RBM47: variants seen among roughly 807,000 people sequenced by gnomAD.
The protein encoded by RBM47 is RNA-binding protein 47.
RBM47 carries 21 observed loss-of-function variants against 47.1 expected under a neutral mutation model. The observed-to-expected ratio is 0.45, with a 90% CI of 0.32 to 0.64. The LOEUF is 0.64. RBM47 is among the 30% of genes least tolerant of loss of function. RBM47 has a pLI of 0.05. For synonymous variants in RBM47, 375 were observed against 361.7 expected, an observed-to-expected ratio of 1.04 and a Z score of -0.42; for missense variants, 708 against 870.9, an observed-to-expected ratio of 0.81 and a Z score of 2.35.
intron 1 of RBM47, among the ~76,000 whole-genome samples, chr4:40,549,523 C>T (rs1440895022): frequency 3.0e-5 from 4 of 134,372 alleles, no homozygotes; most frequent in Admixed American, 7.7e-5. Flanking sequence ...TTTGTTTGTT[C>T]GTTTTTTTTT....
chr4:40,593,870 C>G (rs28432902), intron 1 of RBM47, among the ~76,000 whole-genome samples: 1 of 142,692 alleles, frequency 7.0e-6, no homozygotes, highest in African/African-American at 2.6e-5. Flanking sequence ...GGTGACCAAG[C>G]GAGACTCTGT....
chr4:40,572,390 G>A (rs1731817001), intron 1 of RBM47, among the ~76,000 whole-genome samples: 1 of 151,630 alleles, frequency 6.6e-6, no homozygotes, highest in Non-Finnish European at 1.5e-5. Flanking sequence ...CAATGTGGAA[G>A]CTCTCAATGT....
At chr4:40,547,386 A>T (rs1487338830) in intron 1 of RBM47, among the ~76,000 whole-genome samples, 1 of 152,206 alleles carries the variant, frequency 6.6e-6, no homozygotes, top group African/African-American at 2.4e-5. Context: ...GACACAGACA[A>T]CACAGACCGA....
chr4:40,499,955 C>T (rs1265909468), intron 2 of RBM47, among the ~76,000 whole-genome samples: 3 of 152,178 alleles, frequency 2.0e-5, no homozygotes, highest in East Asian at 3.8e-4. Context: ...CCTAAAACAC[C>T]TTTGTATTTG....
intron 1 of RBM47, among the ~76,000 whole-genome samples, chr4:40,589,035 G>A (rs1018284879): frequency 1.5e-5 from 2 of 131,104 alleles, no homozygotes; most frequent in South Asian, 2.5e-4. Flanking sequence ...GTGCAGTGGC[G>A]TGATCTCGGC....
At chr4:40,580,359 C>T (rs1481744271) in intron 1 of RBM47, among the ~76,000 whole-genome samples, 1 of 152,070 alleles carries the variant, frequency 6.6e-6, no homozygotes, top group Non-Finnish European at 1.5e-5. Flanking sequence ...AAAAAGTTTA[C>T]TCTCCTCATT....
intron 1 of RBM47, among the ~76,000 whole-genome samples, chr4:40,573,468 C>T (rs533324700): frequency 1.3e-5 from 2 of 151,790 alleles, no homozygotes; most frequent in South Asian, 4.2e-4. Context: ...CTAGGCTGGG[C>T]ATAGTGGATT....
At chr4:40,514,849 A>C (rs1725381023) in intron 2 of RBM47, 1 of 152,232 alleles carries the variant, frequency 6.6e-6, no homozygotes, top group East Asian at 1.9e-4. Context: ...GAAGCGTTAG[A>C]GCGATTTTTT....
intron 1 of RBM47, among the ~76,000 whole-genome samples, chr4:40,574,506 A>G (rs998984898): frequency 6.6e-6 from 1 of 152,224 alleles, no homozygotes; most frequent in Non-Finnish European, 1.5e-5. Flanking sequence ...ATAGGTAATC[A>G]CAAGATTATA....
At chr4:40,502,887 C>T (rs1379359379) in intron 2 of RBM47, among the ~76,000 whole-genome samples, 2 of 151,640 alleles carry the variant, frequency 1.3e-5, no homozygotes, top group Admixed American at 6.6e-5. Flanking sequence ...TGCCTACGAT[C>T]CCAGCACTTT....
intron 3 of RBM47, among the ~76,000 whole-genome samples, chr4:40,460,433 A>G (rs554152312): frequency 1.1e-4 from 17 of 152,198 alleles, no homozygotes; most frequent in Admixed American, 6.5e-4. Flanking sequence ...CCAGAGCTCA[A>G]CCGCTTGAGT....
intron 1 of RBM47, among the ~76,000 whole-genome samples, chr4:40,585,221 A>G (rs1478832777): frequency 6.6e-6 from 1 of 152,246 alleles, no homozygotes; most frequent in Non-Finnish European, 1.5e-5. Context: ...CTAGGAAAAC[A>G]GAGTTGCTGC....
At position 40,439,815 on chromosome 4, in the gene RBM47, G is replaced by A. The variant is rs577368335; in HGVS notation, c.-31-891C>T. Among the ~76,000 whole-genome samples the A allele has an allele frequency of 1.1e-3, 175 of 152,294 alleles. 1 individual carries two copies. Among genetic ancestry groups the A allele is most frequent in the Middle Eastern group, 0.01 (3 of 294 alleles). On this transcript the variant is annotated intron_variant, in intron 3 of 6. Transcript: ENST00000295971. Reference sequence around the variant, plus strand: ...TCACACAGCAAGTGTCAGCTTGTAGGCAGACTTGATTCCAAGTTTTCTGGC... The same window carrying A: ...TCACACAGCAAGTGTCAGCTTGTAGACAGACTTGATTCCAAGTTTTCTGGC...
chr4:40,621,848 C>T (rs1417658975), intron 1 of RBM47, among the ~76,000 whole-genome samples: 1 of 152,176 alleles, frequency 6.6e-6, no homozygotes, highest in African/African-American at 2.4e-5. Context: ...GAAACGATTG[C>T]GACATCCCCA....
intron 1 of RBM47, among the ~76,000 whole-genome samples, chr4:40,609,834 C>T (rs931270868): frequency 1.6e-4 from 25 of 151,896 alleles, no homozygotes; most frequent in Non-Finnish European, 3.2e-4. Context: ...GTGGCTCACA[C>T]CTGTAATCCC....
At chr4:40,465,964 C>A (rs909656762) in intron 3 of RBM47, among the ~76,000 whole-genome samples, 1 of 152,104 alleles carries the variant, frequency 6.6e-6, no homozygotes, top group African/African-American at 2.4e-5. Flanking sequence ...AAAATACAGT[C>A]TGACTGAAAC....
intron 5 of RBM47, among the ~76,000 whole-genome samples, chr4:40,435,071 G>C (rs1338584113): frequency 6.6e-6 from 1 of 152,126 alleles, no homozygotes; most frequent in Non-Finnish European, 1.5e-5. Flanking sequence ...CAGAAGACCG[G>C]CCTCACATTA....
intron 2 of RBM47, among the ~76,000 whole-genome samples, chr4:40,481,472 TTATTATTATTATTA>T (rs1560406075): frequency 3.0e-5 from 4 of 133,596 alleles, no homozygotes; most frequent in Non-Finnish European, 4.9e-5. Context: ...ATTATTATTA[TTATTATTATTATTA>T]TTTTTATTTT....
At chr4:40,528,611 A>G (rs1396798758) in intron 2 of RBM47, among the ~76,000 whole-genome samples, 1 of 151,558 alleles carries the variant, frequency 6.6e-6, no homozygotes, top group Non-Finnish European at 1.5e-5. Flanking sequence ...CTAAAAATAC[A>G]AACCCTAGCC....
Sources: allele counts gnomAD v4.1 joint callset (sites outside exome capture counted in the v4.1 genomes callset), GRCh38; gene constraint gnomAD v4.1.1; transcripts MANE v1.5; gene names NCBI Gene and HGNC (gene_info 2026-07-23, HGNC 2026-07-21).